Variants in HIVEP3 observed in about 807,000 individuals in gnomAD.
The protein encoded by HIVEP3 is transcription factor HIVEP3.
Under a neutral mutation model 152.8 loss-of-function variants are expected in HIVEP3, and 49 were observed. The ratio of observed to expected loss-of-function variants is 0.32; its 90% confidence interval spans 0.26 to 0.41. HIVEP3 has a LOEUF of 0.41. Ranked by LOEUF, HIVEP3 falls within the 10% of genes least tolerant of loss-of-function variation. HIVEP3 has a pLI of 1.00. For synonymous variants in HIVEP3, 1,269 were observed against 1,289.0 expected, an observed-to-expected ratio of 0.98 and a Z score of 0.33; for missense variants, 2,790 against 3,103.3, an observed-to-expected ratio of 0.90 and a Z score of 2.40.
chr1:41,993,618 A>G (rs1230422495), intron 1 of HIVEP3, among the ~76,000 whole-genome samples: 5 of 152,214 alleles, frequency 3.3e-5, no homozygotes, highest in Non-Finnish European at 5.9e-5. Flanking sequence ...TAGAACCAGA[A>G]ATACCATTTG....
At chr1:41,725,231 G>GCTT (rs954570459) in intron 1 of HIVEP3, among the ~76,000 whole-genome samples, 49 of 152,292 alleles carry the variant, frequency 3.2e-4, no homozygotes, top group African/African-American at 9.6e-4. Context: ...AATCAAGAAC[G>GCTT]CTTCGGGACA....
In HIVEP3 at chr1:41,799,939, C is replaced by T. The variant is rs1420897059; in HGVS notation, c.-800-98944G>A. On this transcript the variant is annotated intron_variant, in intron 1 of 8. Transcript: ENST00000372583. ...ACTCAGATCCAGAGAGACAGCATTA[C>T]TCAGGCCAATCAGAAAGGTGGTACC... is the stretch of plus-strand genomic sequence containing the variant. 2.0e-5 allele frequency among the ~76,000 whole-genome samples: 3 copies of T among 152,042 alleles called. No individual in the cohort carries two copies. The East Asian group carries it at 5.8e-4, about 29-fold the overall frequency.
intron 5 of HIVEP3, among the ~76,000 whole-genome samples, chr1:41,560,467 C>T (rs1374595356): frequency 1.3e-5 from 2 of 152,184 alleles, no homozygotes; most frequent in African/African-American, 4.8e-5. Flanking sequence ...TCATTTTATA[C>T]TCCCAGCACT....
At chr1:41,859,445 T>C (rs553222889) in intron 1 of HIVEP3, among the ~76,000 whole-genome samples, 13 of 152,360 alleles carry the variant, frequency 8.5e-5, no homozygotes, top group African/African-American at 2.6e-4. Flanking sequence ...GGTCATATTC[T>C]ACATACCGCT....
chr1:41,659,600 C>T (rs1403054659), intron 2 of HIVEP3, among the ~76,000 whole-genome samples: 1 of 152,228 alleles, frequency 6.6e-6, no homozygotes, highest in African/African-American at 2.4e-5. Context: ...TATTGACCCT[C>T]TCCTCTATGC....
At chr1:41,850,165 C>A (rs183721584) in intron 1 of HIVEP3, among the ~76,000 whole-genome samples, 99 of 152,248 alleles carry the variant, frequency 6.5e-4, no homozygotes, top group Admixed American at 1.9e-3. Context: ...AGTTCCCAAG[C>A]CCAGCTATTG....
At chr1:41,918,999 C>T (rs1644915811), upstream of HIVEP3, among the ~76,000 whole-genome samples, 1 of 152,164 alleles carries the variant, frequency 6.6e-6, no homozygotes, top group African/African-American at 2.4e-5. The surrounding 1 kb of genome is among the most constrained non-coding windows in gnomAD (Gnocchi z 4.3). Context: ...ACTCCCAGCG[C>T]AGGAAGCCAG....
At chr1:41,754,146 G>A (rs1053503960) in intron 1 of HIVEP3, among the ~76,000 whole-genome samples, 5 of 152,236 alleles carry the variant, frequency 3.3e-5, no homozygotes, top group Non-Finnish European at 7.3e-5. Context: ...ACACCATAGC[G>A]GCTGCCGCAG....
chr1:41,608,791 G>C (rs1272888728), intron 3 of HIVEP3, among the ~76,000 whole-genome samples: 6 of 152,116 alleles, frequency 3.9e-5, no homozygotes, highest in Non-Finnish European at 8.8e-5. Context: ...ATGGCTTTCA[G>C]CTGGGCACGG....
rs148431526 is a variant in HIVEP3 at position 41,703,111 on chromosome 1, T to C, written c.-800-2116A>G. 6.2e-3 allele frequency among the ~76,000 whole-genome samples: 937 copies of C among 152,280 alleles called. 13 individuals carry two copies. The highest frequency in any genetic ancestry group is 0.022 in the African/African-American group (902 of 41,540). On this transcript the variant is annotated intron_variant, in intron 1 of 8. Coordinates refer to ENST00000372583, the MANE Select transcript of HIVEP3 (RefSeq NM_024503.5). ...GGTACATTACTGACAATCCATTCTGTAAATAGATGAAGGCCCAGAGAGGTG... is the reference window on the plus strand; with the variant it reads ...GGTACATTACTGACAATCCATTCTGCAAATAGATGAAGGCCCAGAGAGGTG...
intron 1 of HIVEP3, among the ~76,000 whole-genome samples, chr1:41,831,202 G>A (rs1642955089): frequency 6.6e-6 from 1 of 152,162 alleles, no homozygotes; most frequent in Admixed American, 6.5e-5. Flanking sequence ...TTGAATGAAT[G>A]AATGAGAATC....
chr1:41,581,698 G>A lies in HIVEP3; in HGVS notation c.3100C>T (p.Arg1034Trp), dbSNP rs776306052. Residue 1034 changes from arginine (R) to tryptophan (W), a missense_variant, in exon 4 of 9, where the codon CGG becomes TGG. Coordinates refer to ENST00000372583, the MANE Select transcript of HIVEP3 (RefSeq NM_024503.5). This position sits in a 1 kb window ranked among gnomAD's most constrained non-coding sequence, Gnocchi z 4.5. ...TTTCTTCTCTCTGGCGGGGCCACCC[G>A]CGCTGGTGGAGCCACTGGGGCTGGA... ...SAPAPVAPPA[R>W]VAPPERRKCF... is the part of the protein sequence containing the mutation. 4.5e-5 allele frequency: 72 copies of A among 1,613,508 alleles called. No individual in the cohort carries two copies. The highest frequency in any genetic ancestry group is 4.4e-5 in the South Asian group (4 of 90,968).
At chr1:41,946,142 AG>A (rs1381971794) in intron 1 of HIVEP3, among the ~76,000 whole-genome samples, 2 of 152,064 alleles carry the variant, frequency 1.3e-5, no homozygotes, top group African/African-American at 4.8e-5. Context: ...CTTCCAGTGC[AG>A]TCTACAAGGA....
chr1:41,565,446 C>G (rs1233834431), intron 5 of HIVEP3, among the ~76,000 whole-genome samples: 1 of 151,996 alleles, frequency 6.6e-6, no homozygotes, highest in African/African-American at 2.4e-5. Flanking sequence ...AGAAAGAGTA[C>G]TGCTGTTTCC....
At chr1:41,762,969 G>T (rs1647790628) in intron 1 of HIVEP3, among the ~76,000 whole-genome samples, 1 of 152,316 alleles carries the variant, frequency 6.6e-6, no homozygotes, top group East Asian at 1.9e-4. Flanking sequence ...GTGCAGCCAG[G>T]TCTGGGCAGC....
At chr1:41,810,216 T>C (rs890816505) in intron 1 of HIVEP3, among the ~76,000 whole-genome samples, 1 of 152,220 alleles carries the variant, frequency 6.6e-6, no homozygotes, top group East Asian at 1.9e-4. Context: ...ATGGCAGAAC[T>C]GCTATGAAGC....
At chr1:42,003,002 T>G (rs4660209) in intron 1 of HIVEP3, among the ~76,000 whole-genome samples, 26,327 of 151,914 alleles carry the variant, frequency 0.17, 2,371 homozygotes, top group Admixed American at 0.26. Context: ...GATTTCTGGG[T>G]TTTTTTTGTT....
intron 1 of HIVEP3, among the ~76,000 whole-genome samples, chr1:41,831,308 C>T (rs907790133): frequency 5.3e-5 from 8 of 152,234 alleles, no homozygotes; most frequent in African/African-American, 1.9e-4. Flanking sequence ...TGACCTCAGG[C>T]AAGCCACCTG....
At chr1:41,932,062 G>A (rs935560306) in intron 1 of HIVEP3, among the ~76,000 whole-genome samples, 1 of 151,794 alleles carries the variant, frequency 6.6e-6, no homozygotes, top group Non-Finnish European at 1.5e-5. Flanking sequence ...ACCAGTAAGT[G>A]TGTTGCTAGC....
Sources: allele counts gnomAD v4.1 joint callset (sites outside exome capture counted in the v4.1 genomes callset), GRCh38; gene constraint gnomAD v4.1.1; non-coding constraint Gnocchi (gnomAD v3.1); transcripts MANE v1.5; gene names NCBI Gene and HGNC (gene_info 2026-07-23, HGNC 2026-07-21).